Variants in GLYR1 observed in about 807,000 individuals in gnomAD.
GLYR1 encodes glyoxylate reductase 1 homolog.
A neutral mutation model predicts 72.7 loss-of-function variants in GLYR1; 21 were observed. The observed-to-expected ratio is 0.29, with a 90% CI of 0.20 to 0.42. The LOEUF (loss-of-function observed/expected upper bound fraction) is 0.42. Ranked by LOEUF, GLYR1 falls within the 10% of genes least tolerant of loss-of-function variation. GLYR1 has a pLI of 1.00. For missense variants in GLYR1, 594 were observed against 712.1 expected, an observed-to-expected ratio of 0.83 and a Z score of 1.89; for synonymous variants, 392 against 270.2, an observed-to-expected ratio of 1.45 and a Z score of -4.42.
At chr16:4,811,539 T>C (rs2083322769) in intron 14 of GLYR1, 84 bp downstream of exon 14, 1 of 1,511,386 alleles carries the variant, frequency 6.6e-7, no homozygotes, top group Non-Finnish European at 9.1e-7. Context: ...GGGAGGGGCA[T>C]CTTTCACGCT....
At chr16:4,812,047 G>A (rs1033081927) in intron 13 of GLYR1, 39 bp downstream of exon 13, 25 of 1,592,686 alleles carry the variant, frequency 1.6e-5, no homozygotes, top group Non-Finnish European at 2.0e-5. Context: ...GAGGAGATGT[G>A]GCCCCAGGCT....
intron 5 of GLYR1, among the ~76,000 whole-genome samples, chr16:4,829,541 C>T (rs930053002): frequency 6.6e-6 from 1 of 151,918 alleles, no homozygotes; most frequent in Non-Finnish European, 1.5e-5. Context: ...GACTAAAGTG[C>T]AGTGGCATAA....
intron 5 of GLYR1, among the ~76,000 whole-genome samples, chr16:4,830,858 C>G (rs1401809078): frequency 6.6e-6 from 1 of 152,188 alleles, no homozygotes; most frequent in Non-Finnish European, 1.5e-5. Context: ...TGTGGCAATG[C>G]AGGCCTCCGC....
chr16:4,840,556 C>T (rs2085475132), intron 3 of GLYR1, among the ~76,000 whole-genome samples: 1 of 152,162 alleles, frequency 6.6e-6, no homozygotes, highest in Non-Finnish European at 1.5e-5. Flanking sequence ...CACTCTCTCT[C>T]TCTCCCATAG....
intron 12 of GLYR1, 95 bp from the exon 13 acceptor site, chr16:4,812,343 A>C: frequency 2.9e-6 from 4 of 1,363,438 alleles, no homozygotes; most frequent in Non-Finnish European, 3.9e-6. Context: ...ACGGCTGCTC[A>C]TCACCTTCCA....
intron 7 of GLYR1, 74 bp from the exon 8 acceptor site, chr16:4,821,671 G>A (rs1282517283): frequency 4.3e-6 from 6 of 1,382,170 alleles, no homozygotes; most frequent in African/African-American, 2.9e-5. Context: ...TCCCCTCAAA[G>A]GTTAGACCCA....
rs994303272 is a variant in GLYR1, at chr16:4,803,897, GTAACTT to G, written c.*1333_*1338del. 9 of 152,076 alleles carry G rather than the reference GTAACTT, an allele frequency of 5.9e-5. No homozygotes were observed. The highest frequency in any genetic ancestry group is 1.9e-4 in the African/African-American group (8 of 41,394). The allele number at this position is 152,076 out of a possible 1,614,324, so 9.4% of individuals were successfully genotyped here. On this transcript the variant is annotated 3_prime_UTR_variant, in exon 16 of 16. Transcript: ENST00000321919. ...GGGATAAAAAACTGACATCCCTTGG[GTAACTT>G]TTTTTTTTGCAACATTCCAAGCCCC...
Position 4,805,099 on chromosome 16 carries a change from G to A in GLYR1, c.*137C>T. 2.7e-6 allele frequency: 2 copies of A among 729,310 alleles called. No homozygotes were observed. Among genetic ancestry groups the A allele is most frequent in the Admixed American group, 4.1e-5 (2 of 48,646 alleles). The allele number at this position is 729,310 out of a possible 1,614,324, so 45.2% of individuals were successfully genotyped here. ...GGGTGCTGCTGTGTGCTGTGCTGAT[G>A]GCAAGTCTCAAAGTCTGTATAAAAG... On this transcript the variant is annotated 3_prime_UTR_variant, in exon 16 of 16. Coordinates refer to ENST00000321919, the MANE Select transcript of GLYR1 (RefSeq NM_032569.4).
At chr16:4,828,176 TCTC>T (rs1337219245) in intron 5 of GLYR1, among the ~76,000 whole-genome samples, 14 of 151,782 alleles carry the variant, frequency 9.2e-5, no homozygotes, top group African/African-American at 2.4e-4. Flanking sequence ...TTCACGCCAT[TCTC>T]CTACCTCAGC....
At chr16:4,817,287 T>C (rs1055456969) in intron 10 of GLYR1, among the ~76,000 whole-genome samples, 6 of 151,722 alleles carry the variant, frequency 4.0e-5, no homozygotes, top group African/African-American at 1.5e-4. Flanking sequence ...GCCCGGCTAA[T>C]TTTTTGTATT....
chr16:4,814,529 G>A lies in GLYR1; in HGVS notation c.1017+8C>T, dbSNP rs200479327. 6.2e-7 allele frequency: 1 copy of A among 1,609,326 alleles called. No individual in the cohort carries two copies. Among genetic ancestry groups the A allele is most frequent in the East Asian group, 2.2e-5 (1 of 44,850 alleles). Reference sequence around the variant, plus strand: ...CGGAGTTGCTGAGGGGAGGGAGGGGGTCCTTACGTCCTTGGCCGCCTTGGG... The same window carrying A: ...CGGAGTTGCTGAGGGGAGGGAGGGGATCCTTACGTCCTTGGCCGCCTTGGG... On this transcript the variant is annotated splice_region_variant and intron_variant, in intron 11 of 15. Coordinates refer to ENST00000321919, the MANE Select transcript of GLYR1 (RefSeq NM_032569.4).
In GLYR1 at chr16:4,805,223, G is replaced by T; in HGVS notation, c.*13C>A. The T allele has an allele frequency of 6.2e-7, 1 of 1,612,932 alleles. No individual in the cohort carries two copies. The highest frequency in any genetic ancestry group is 8.5e-7 in the Non-Finnish European group (1 of 1,179,188). On this transcript the variant is annotated 3_prime_UTR_variant, in exon 16 of 16. Transcript: ENST00000321919. The stretch of plus-strand genomic sequence containing the variant: ...AGGGGGGATTGGAGGGGTGAGGGCG[G>T]GGTGTCGACAGCTTAGTGTATGTAG...
chr16:4,825,813 C>T (rs1245939602), intron 5 of GLYR1, among the ~76,000 whole-genome samples: 1 of 151,840 alleles, frequency 6.6e-6, no homozygotes, highest in African/African-American at 2.4e-5. Context: ...CCACCATGCC[C>T]AGCTAATTTT....
rs370390299 is a variant in GLYR1, at chr16:4,812,079, G to A, written c.1282+7C>T. On this transcript the variant is annotated splice_region_variant and intron_variant, in intron 13 of 15. Coordinates refer to ENST00000321919, the MANE Select transcript of GLYR1 (RefSeq NM_032569.4). ...GGCTCCAGGCCTGACAGGTGCAGGC[G>A]TGTTACCTAGGAAGAAGGAGGTCTT... 7.4e-6 allele frequency: 12 copies of A among 1,612,370 alleles called. No homozygotes were observed. Among genetic ancestry groups the A allele is most frequent in the African/African-American group, 5.3e-5 (4 of 75,038 alleles).
At chr16:4,825,477 G>C (rs893099455) in intron 5 of GLYR1, among the ~76,000 whole-genome samples, 1 of 152,198 alleles carries the variant, frequency 6.6e-6, no homozygotes, top group Non-Finnish European at 1.5e-5. Flanking sequence ...CCTTATCAGA[G>C]TGGCTTCACC....
At chr16:4,821,195 GAC>G in intron 9 of GLYR1, 183 bp downstream of exon 9, 1 of 649,418 alleles carries the variant, frequency 1.5e-6, no homozygotes, top group East Asian at 2.7e-5. Context: ...AGGGAGACCC[GAC>G]CACAGATTTA....
intron 9 of GLYR1, 103 bp downstream of exon 9, chr16:4,821,277 G>A (rs942938044): frequency 1.8e-6 from 2 of 1,132,812 alleles, no homozygotes; most frequent in African/African-American, 1.5e-5. Context: ...TTCAATGCCA[G>A]CAATGGCTGG....
chr16:4,847,056 G>A (rs1014867972), intron 1 of GLYR1, 172 bp downstream of exon 1: 1 of 634,286 alleles, frequency 1.6e-6, no homozygotes, highest in Admixed American at 2.8e-5. Flanking sequence ...CGGTCCCCCG[G>A]GACTGGACTG....
At chr16:4,810,196 G>A (rs1044907363) in intron 15 of GLYR1, among the ~76,000 whole-genome samples, 4 of 151,624 alleles carry the variant, frequency 2.6e-5, no homozygotes, top group African/African-American at 9.7e-5. Context: ...ACTTTAAAGG[G>A]TTTGAAAAAG....
Sources: allele counts gnomAD v4.1 joint callset (sites outside exome capture counted in the v4.1 genomes callset), GRCh38; gene constraint gnomAD v4.1.1; transcripts MANE v1.5; gene names NCBI Gene and HGNC (gene_info 2026-07-23, HGNC 2026-07-21).